Variants in DNAJC6 observed in about 807,000 individuals in gnomAD.
DNAJC6 encodes DnaJ heat shock protein family (Hsp40) member C6.
DNAJC6 carries 34 observed loss-of-function variants against 110.0 expected under a neutral mutation model. That is an observed-to-expected ratio of 0.31 (90% CI 0.24 to 0.41). The LOEUF (loss-of-function observed/expected upper bound fraction) is 0.41. DNAJC6 is among the 10% of genes least tolerant of loss of function. DNAJC6 has a pLI of 1.00. For synonymous variants in DNAJC6, 406 were observed against 437.2 expected, an observed-to-expected ratio of 0.93 and a Z score of 0.89; for missense variants, 1,031 against 1,207.8, an observed-to-expected ratio of 0.85 and a Z score of 2.17.
intron 1 of DNAJC6, among the ~76,000 whole-genome samples, chr1:65,319,729 G>A (rs945971601): frequency 1.2e-4 from 18 of 151,994 alleles, no homozygotes; most frequent in African/African-American, 3.6e-4. Flanking sequence ...TGAGCATTGC[G>A]GCAAAAATCT....
chr1:65,318,188 A>G (rs980882807), intron 1 of DNAJC6, among the ~76,000 whole-genome samples: 4 of 152,218 alleles, frequency 2.6e-5, no homozygotes, highest in African/African-American at 7.2e-5. Context: ...TAGAAACCAC[A>G]ATAATTTTAG....
chr1:65,312,376 G>A (rs1470798689), intron 1 of DNAJC6, among the ~76,000 whole-genome samples: 1 of 152,210 alleles, frequency 6.6e-6, no homozygotes, highest in Non-Finnish European at 1.5e-5. Context: ...ACAACTATAT[G>A]TCTTGCCTAA....
intron 1 of DNAJC6, among the ~76,000 whole-genome samples, chr1:65,315,734 G>A (rs1168240462): frequency 2.6e-5 from 4 of 152,218 alleles, no homozygotes. Context: ...TCTTATAGTT[G>A]AATAAACTAA....
Position 65,286,299 on chromosome 1 carries a change from T to C in DNAJC6, c.-131+21367T>C, listed in dbSNP as rs188688116. 1.5e-3 allele frequency among the ~76,000 whole-genome samples: 230 copies of C among 152,210 alleles called. 2 individuals carry two copies. The highest frequency in any genetic ancestry group is 5.2e-3 in the African/African-American group (216 of 41,524). On this transcript the variant is annotated intron_variant, in intron 1 of 19. Coordinates refer to the DNAJC6 transcript ENST00000263441. ...TTTTGCTCTGTCACCCAGGCTGAAA[T>C]GCAGTGGTGTGATCATGGCTCACTG...
At chr1:65,407,925 A>G (rs1646092977) in intron 16 of DNAJC6, among the ~76,000 whole-genome samples, 1 of 152,236 alleles carries the variant, frequency 6.6e-6, no homozygotes. Context: ...TTGTTTTAAC[A>G]AGCATTTAGA....
Position 65,347,878 on chromosome 1 carries a change from G to T in DNAJC6, c.194-16757G>T, listed in dbSNP as rs1340784997. On this transcript the variant is annotated intron_variant, in intron 1 of 18. Coordinates refer to ENST00000371069, the MANE Select transcript of DNAJC6 (RefSeq NM_001256864.2). ...CTTGAGCTCTCTGATATATGGTTTT[G>T]TAAGAAGTTTTTAACATGATTTTTC... is the stretch of plus-strand genomic sequence containing the variant. Among the ~76,000 whole-genome samples the T allele has an allele frequency of 2.0e-5, 3 of 152,164 alleles. No individual in the cohort carries two copies. The East Asian group carries it at 5.8e-4, about 29-fold the overall frequency.
intron 16 of DNAJC6, among the ~76,000 whole-genome samples, chr1:65,407,557 T>C (rs1646088647): frequency 6.6e-6 from 1 of 152,146 alleles, no homozygotes; most frequent in South Asian, 2.1e-4. Context: ...AACACCAGCA[T>C]GTTAGGAATT....
chr1:65,322,062 A>G (rs1410025459), intron 1 of DNAJC6, among the ~76,000 whole-genome samples: 1 of 152,240 alleles, frequency 6.6e-6, no homozygotes, highest in Admixed American at 6.5e-5. Context: ...AACTGTCTCC[A>G]TTATGCCTCT....
intron 1 of DNAJC6, among the ~76,000 whole-genome samples, chr1:65,343,610 T>G (rs1645409422): frequency 6.6e-6 from 1 of 152,108 alleles, no homozygotes; most frequent in South Asian, 2.1e-4. Flanking sequence ...GCAGTGCTTG[T>G]GTTCAAGTGA....
chr1:65,398,729 T>C (rs1408752720), intron 13 of DNAJC6, 84 bp from the exon 14 acceptor site: 5 of 1,413,836 alleles, frequency 3.5e-6, no homozygotes, highest in Non-Finnish European at 5.0e-6. Context: ...GCTTCAGGGA[T>C]GGAATGGCAT....
chr1:65,343,089 AC>A (rs1195591625), intron 1 of DNAJC6, among the ~76,000 whole-genome samples: 1 of 152,084 alleles, frequency 6.6e-6, no homozygotes, highest in Non-Finnish European at 1.5e-5. Context: ...TTGCGGTCTC[AC>A]CTCTCACCCC....
intron 1 of DNAJC6, among the ~76,000 whole-genome samples, chr1:65,358,484 T>C (rs1645565820): frequency 6.6e-6 from 1 of 152,166 alleles, no homozygotes; most frequent in African/African-American, 2.4e-5. Flanking sequence ...TTTGTGAAGA[T>C]TAAATGTGTT....
chr1:65,357,301 G>A (rs187437073), intron 1 of DNAJC6, among the ~76,000 whole-genome samples: 6 of 152,192 alleles, frequency 3.9e-5, no homozygotes, highest in African/African-American at 7.2e-5. Flanking sequence ...TTTATCAGTC[G>A]TCTCTCCAAA....
chr1:65,359,259 AAC>A (rs1645576329), intron 1 of DNAJC6, among the ~76,000 whole-genome samples: 1 of 152,218 alleles, frequency 6.6e-6, no homozygotes, highest in Non-Finnish European at 1.5e-5. Context: ...TCTCCCAGGA[AAC>A]ACAAATTTTA....
chr1:65,378,655 G>A lies in DNAJC6; in HGVS notation c.544-747G>A, dbSNP rs1327605748. The stretch of plus-strand genomic sequence containing the variant: ...ACAGTATTTTGAGGCAAGTGATAAT[G>A]TCAGCCAGTGTGCTGTTGTAACATG... On this transcript the variant is annotated intron_variant, in intron 4 of 18. Coordinates refer to ENST00000371069, the MANE Select transcript of DNAJC6 (RefSeq NM_001256864.2). Among the ~76,000 whole-genome samples, 4 of 152,224 alleles carry A rather than the reference G, an allele frequency of 2.6e-5. No homozygotes were observed. In the East Asian group the frequency reaches 7.7e-4, roughly 29 times the overall value.
At chr1:65,374,715 G>A (rs563976850) in intron 4 of DNAJC6, among the ~76,000 whole-genome samples, 40 of 152,260 alleles carry the variant, frequency 2.6e-4, no homozygotes, top group Non-Finnish European at 3.2e-4. Flanking sequence ...ATAAGATCAT[G>A]TTGAGTTCGA....
chr1:65,373,092 T>C (rs1645723622), intron 4 of DNAJC6, among the ~76,000 whole-genome samples: 1 of 152,180 alleles, frequency 6.6e-6, no homozygotes. Context: ...GTTATTTCAG[T>C]TATAATGGCC....
chr1:65,285,300 C>T (rs966697208), intron 1 of DNAJC6, among the ~76,000 whole-genome samples: 21 of 152,160 alleles, frequency 1.4e-4, no homozygotes, highest in South Asian at 2.1e-4. Flanking sequence ...AAATGCCTGG[C>T]GTACAATTGC....
intron 1 of DNAJC6, among the ~76,000 whole-genome samples, chr1:65,313,676 CCT>C (rs978524677): frequency 3.9e-5 from 6 of 152,128 alleles, no homozygotes; most frequent in Non-Finnish European, 8.8e-5. Flanking sequence ...TGATTTCCCC[CCT>C]GTTTTTAGAT....
Sources: allele counts gnomAD v4.1 joint callset (sites outside exome capture counted in the v4.1 genomes callset), GRCh38; gene constraint gnomAD v4.1.1; transcripts MANE v1.5; gene names NCBI Gene and HGNC (gene_info 2026-07-23, HGNC 2026-07-21).